Variants in BDKRB2 observed in about 807,000 individuals in gnomAD.
The protein encoded by BDKRB2 is B2 bradykinin receptor.
BDKRB2 carries 6 observed loss-of-function variants against 4.0 expected under a neutral mutation model. That is an observed-to-expected ratio of 1.49 (90% CI 0.81 to 2.93). BDKRB2 has a LOEUF of 2.93. Ranked by LOEUF, BDKRB2 falls within the 30% of genes most tolerant of loss-of-function variation. The pLI is 0.00. For synonymous variants in BDKRB2, 225 were observed against 215.3 expected, an observed-to-expected ratio of 1.05 and a Z score of -0.40; for missense variants, 478 against 520.1, an observed-to-expected ratio of 0.92 and a Z score of 0.79.
At chr14:96,224,254 T>A (rs1327326170) in intron 1 of BDKRB2, among the ~76,000 whole-genome samples, 3 of 152,140 alleles carry the variant, frequency 2.0e-5, no homozygotes, top group African/African-American at 7.2e-5. Flanking sequence ...TACTTGTGGG[T>A]ATATTCCAAA....
Position 96,238,942 on chromosome 14 carries a change from C to T in BDKRB2, c.75-1461C>T, listed in dbSNP as rs553042205. 3.1e-4 allele frequency: 304 copies of T among 985,470 alleles called. 3 individuals carry two copies. Among genetic ancestry groups the T allele is most frequent in the South Asian group, 1.7e-3 (37 of 21,280 alleles). 61.0% of individuals were successfully genotyped at this position (985,470 alleles called of 1,614,324 possible). A position where few individuals can be genotyped will look rare whatever the true frequency, so the allele number is the denominator to read the frequency against. On this transcript the variant is annotated intron_variant, in intron 2 of 2. Transcript: ENST00000554311. ...AGGGCAGAGCTCAGCACAGAGCAGA[C>T]GCTCAAAAAACATTTAAAGGATAGA... is the stretch of plus-strand genomic sequence containing the variant.
chr14:96,225,612 G>C (rs1419907065), intron 1 of BDKRB2, among the ~76,000 whole-genome samples: 1 of 152,148 alleles, frequency 6.6e-6, no homozygotes, highest in Non-Finnish European at 1.5e-5. Context: ...CCTAGGATAT[G>C]TTGTGGGAAG....
At chr14:96,211,694 G>A (rs1257783583) in intron 1 of BDKRB2, among the ~76,000 whole-genome samples, 1 of 152,096 alleles carries the variant, frequency 6.6e-6, no homozygotes, top group African/African-American at 2.4e-5. Flanking sequence ...TCCTTTTTCG[G>A]AAGCCAGGCA....
Position 96,243,951 on chromosome 14 carries a change from T to C in BDKRB2, c.*2447T>C, listed in dbSNP as rs1885373616. 2.7e-6 allele frequency: 1 copy of C among 377,110 alleles called. No homozygotes were observed. The highest frequency in any genetic ancestry group is 4.7e-6 in the Non-Finnish European group (1 of 213,356). 23.4% of individuals were successfully genotyped at this position (377,110 alleles called of 1,614,324 possible). A position where few individuals can be genotyped will look rare whatever the true frequency, so the allele number is the denominator to read the frequency against. ...GAGCAGAGCTCTGCCGCAATGGCCA[T>C]GTGGGGATCCACACCTGGTCTGAGG... is the stretch of plus-strand genomic sequence containing the variant. On this transcript the variant is annotated 3_prime_UTR_variant, in exon 3 of 3. Transcript: ENST00000554311.
chr14:96,238,025 G>A, intron 2 of BDKRB2: 9 of 1,156,596 alleles, frequency 7.8e-6, no homozygotes, highest in South Asian at 1.8e-5. Flanking sequence ...GGACCAAGGG[G>A]ACTACCCAGG....
At chr14:96,212,957 A>C (rs976524193) in intron 1 of BDKRB2, among the ~76,000 whole-genome samples, 2 of 152,096 alleles carry the variant, frequency 1.3e-5, no homozygotes, top group East Asian at 3.9e-4. Context: ...CCACAACCCA[A>C]ACAGGCTCAC....
intron 1 of BDKRB2, chr14:96,233,698 G>A (rs1247001659): frequency 2.0e-5 from 3 of 152,294 alleles, no homozygotes; most frequent in African/African-American, 7.2e-5. Context: ...GTATTTCGTG[G>A]AGGCCACTGC....
chr14:96,238,158 T>C (rs991049497), intron 2 of BDKRB2: 1 of 933,212 alleles, frequency 1.1e-6, no homozygotes, highest in African/African-American at 1.8e-5. Context: ...GTTGGAAGAT[T>C]CAAAGGCTAG....
At chr14:96,212,874 C>T (rs1045798088) in intron 1 of BDKRB2, among the ~76,000 whole-genome samples, 21 of 152,202 alleles carry the variant, frequency 1.4e-4, no homozygotes, top group Admixed American at 1.1e-3. Flanking sequence ...AACGCCCCCT[C>T]CCCCATTCCA....
chr14:96,238,877 G>A, intron 2 of BDKRB2: 2 of 986,854 alleles, frequency 2.0e-6, no homozygotes, highest in African/African-American at 3.5e-5. Context: ...AGTCAGGCAG[G>A]GCAGGGGCCG....
chr14:96,211,841 G>A (rs79214853), intron 1 of BDKRB2, among the ~76,000 whole-genome samples: 1 of 152,194 alleles, frequency 6.6e-6, no homozygotes, highest in Non-Finnish European at 1.5e-5. Context: ...GGAACTCCCT[G>A]CGAAGGCCGG....
Position 96,211,951 on chromosome 14 carries a change from C to T in BDKRB2, c.-40+6992C>T, listed in dbSNP as rs59538800. Among the ~76,000 whole-genome samples, 2,031 of 152,258 alleles carry T rather than the reference C, an allele frequency of 0.013. 138 individuals are homozygous for T. The East Asian group carries it at 0.2, about 15-fold the overall frequency. Reference sequence around the variant, plus strand: ...TGCAAAGAGGTGAGGACACAGCCGGCGGTGCATTTAGGGTGCTTCTGCAGG... The same window carrying T: ...TGCAAAGAGGTGAGGACACAGCCGGTGGTGCATTTAGGGTGCTTCTGCAGG... On this transcript the variant is annotated intron_variant, in intron 1 of 2. Coordinates refer to ENST00000554311, the MANE Select transcript of BDKRB2 (RefSeq NM_001379692.1).
At chr14:96,236,177 G>GTAT (rs1475128221) in intron 1 of BDKRB2, among the ~76,000 whole-genome samples, 4 of 152,134 alleles carry the variant, frequency 2.6e-5, no homozygotes, top group African/African-American at 9.7e-5. Context: ...ACAGCACCTT[G>GTAT]TATTGGTAAC....
rs569699297 is a variant in BDKRB2, at chr14:96,212,871, C to G, written c.-40+7912C>G. On this transcript the variant is annotated intron_variant, in intron 1 of 2. Coordinates refer to ENST00000554311, the MANE Select transcript of BDKRB2 (RefSeq NM_001379692.1). ...GGTAGGATAGCAGGAGTTAACGCCC[C>G]CTCCCCCATTCCATGGCCCCTGCCT... Among the ~76,000 whole-genome samples, 11 of 151,906 alleles carry G rather than the reference C, an allele frequency of 7.2e-5. No individual in the cohort carries two copies. The South Asian group carries it at 2.3e-3, about 32-fold the overall frequency.
rs139905892 is a variant in BDKRB2 at position 96,222,667 on chromosome 14, G to A, written c.-39-14402G>A. On this transcript the variant is annotated intron_variant, in intron 1 of 2. Transcript: ENST00000554311. The stretch of plus-strand genomic sequence containing the variant: ...GAGCTGCACACTCTCCAATATGGCA[G>A]TGACCAGCCACATGCAGTCACCAAG... Among the ~76,000 whole-genome samples the A allele has an allele frequency of 4.5e-3, 682 of 152,218 alleles. 5 individuals are homozygous for A. Among genetic ancestry groups the A allele is most frequent in the Non-Finnish European group, 8.0e-3 (546 of 68,028 alleles).
intron 1 of BDKRB2, among the ~76,000 whole-genome samples, chr14:96,218,529 CAAG>C (rs925917526): frequency 2.0e-5 from 3 of 152,138 alleles, no homozygotes; most frequent in African/African-American, 7.3e-5. Context: ...AAGGGAAGCC[CAAG>C]GACATGAGAG....
intron 1 of BDKRB2, among the ~76,000 whole-genome samples, chr14:96,221,683 G>A (rs1328402019): frequency 1.3e-5 from 2 of 152,050 alleles, no homozygotes; most frequent in African/African-American, 4.8e-5. Context: ...GGCTTGTGGG[G>A]AACCAGAGCG....
chr14:96,230,597 A>G (rs1890795677), intron 1 of BDKRB2, among the ~76,000 whole-genome samples: 1 of 131,520 alleles, frequency 7.6e-6, no homozygotes, highest in East Asian at 2.2e-4. Flanking sequence ...GCTTAATATT[A>G]GTTTTAAATG....
At chr14:96,228,017 A>G (rs942946978) in intron 1 of BDKRB2, among the ~76,000 whole-genome samples, 1 of 152,190 alleles carries the variant, frequency 6.6e-6, no homozygotes, top group Non-Finnish European at 1.5e-5. Context: ...GAGGGCTATA[A>G]GCCACAGCAT....
Sources: gnomAD v4.1 joint callset for allele counts (sites outside exome capture counted in the v4.1 genomes callset) on GRCh38, gnomAD v4.1.1 for gene constraint, MANE v1.5 for transcripts, NCBI Gene and HGNC (gene_info 2026-07-23, HGNC 2026-07-21) for gene names.